MED14: variants seen among roughly 807,000 people sequenced by gnomAD.
The protein encoded by MED14 is mediator complex subunit 14, also known as mediator of RNA polymerase II transcription subunit 14.
A neutral mutation model predicts 109.0 loss-of-function variants in MED14; 8 were observed. The ratio of observed to expected loss-of-function variants is 0.07; its 90% CI spans 0.04 to 0.13. The LOEUF is 0.13. Among genes scored for constraint, MED14 ranks in the 10% least tolerant of loss-of-function variants. MED14 has a pLI of 1.00. For missense variants in MED14, 711 were observed against 1,142.4 expected (o/e 0.62, Z 5.44); for synonymous variants, 399 against 408.7 (o/e 0.98, Z 0.29).
chrX:40,652,361 A>G (rs915673015), intron 30 of MED14, among the ~76,000 whole-genome samples: 8 of 112,359 alleles, frequency 7.1e-5, no homozygotes, highest in Non-Finnish European at 1.3e-4. Context: ...GAAATGTTGT[A>G]TAAGTGTGCC....
At chrX:40,703,288 C>T (rs757762850) in intron 11 of MED14, among the ~76,000 whole-genome samples, 156 bp downstream of exon 11, 1 of 112,569 alleles carries the variant, frequency 8.9e-6, no homozygotes, top group Non-Finnish European at 1.9e-5. Flanking sequence ...AAAACGGCCC[C>T]GAGGAACTGA....
chrX:40,733,833 G>A (rs1932162052), intron 1 of MED14, among the ~76,000 whole-genome samples: 1 of 112,065 alleles, frequency 8.9e-6, no homozygotes, highest in Admixed American at 9.4e-5. Context: ...ATACTGAAAT[G>A]TAGGCATCTG....
At chrX:40,680,709 C>T (rs766396993) in intron 20 of MED14, 49 bp downstream of exon 20, 5 of 1,079,320 alleles carry the variant, frequency 4.6e-6, no homozygotes, top group East Asian at 3.1e-5. Flanking sequence ...TGAACCAGCA[C>T]GGCTGGCATA....
At chrX:40,675,551 T>C (rs1326587889) in intron 21 of MED14, among the ~76,000 whole-genome samples, 190 bp from the exon 22 acceptor site, 5 of 111,869 alleles carry the variant, frequency 4.5e-5, no homozygotes, top group African/African-American at 1.6e-4. Flanking sequence ...AAAAACAGCA[T>C]CTAAAAAAAG....
intron 12 of MED14, among the ~76,000 whole-genome samples, chrX:40,699,173 A>G (rs1301396668): frequency 8.9e-6 from 1 of 112,485 alleles, no homozygotes; most frequent in Non-Finnish European, 1.9e-5. Flanking sequence ...AAAAGACAGC[A>G]TATTTTGATT....
chrX:40,674,661 A>G (rs1366530202), intron 22 of MED14, among the ~76,000 whole-genome samples: 1 of 112,270 alleles, frequency 8.9e-6, no homozygotes, highest in Non-Finnish European at 1.9e-5. Flanking sequence ...TTGAAGGGCT[A>G]AACAATCACT....
chrX:40,725,843 AAAAG>A (rs1165299136), intron 3 of MED14, among the ~76,000 whole-genome samples: 11 of 111,764 alleles, frequency 9.8e-5, no homozygotes, highest in African/African-American at 3.6e-4. Context: ...GCAATCAGAC[AAAAG>A]AAAGAAAGAA....
intron 18 of MED14, 83 bp downstream of exon 18, chrX:40,682,520 G>T: frequency 1.2e-6 from 1 of 816,133 alleles, no homozygotes; most frequent in Non-Finnish European, 1.7e-6. Flanking sequence ...TTGGAACACT[G>T]TGCATGTTTC....
Position 40,735,359 on chromosome X carries a change from G to A in MED14, c.54C>T (p.Gly18=). ...NHQLVPPGGG[G]GGSGGPPSAP... is the part of the protein sequence containing the mutation. ...CTGACGGGGGTCCGCCGCTGCCCCC[G>A]CCGCCGCCTCCGGGCGGGACCAGCT... is the stretch of plus-strand genomic sequence containing the variant. The change falls in exon 1 of 31, where the codon GGC becomes GGT. Residue 18 remains glycine, a synonymous_variant. Coordinates refer to ENST00000324817, the MANE Select transcript of MED14 (RefSeq NM_004229.4). 1.9e-6 allele frequency: 2 copies of A among 1,063,827 alleles called. No individual in the cohort carries two copies. Among genetic ancestry groups the A allele is most frequent in the Non-Finnish European group, 2.4e-6 (2 of 827,453 alleles). The allele number at this position is 1,063,827 out of a possible 1,213,427, so 87.7% of individuals were successfully genotyped here. A position where few individuals can be genotyped will look rare whatever the true frequency, so the allele number is the denominator to read the frequency against.
intron 3 of MED14, among the ~76,000 whole-genome samples, chrX:40,723,449 T>A (rs1209007538): frequency 2.7e-5 from 3 of 110,192 alleles, no homozygotes; most frequent in Non-Finnish European, 3.8e-5. Context: ...GTGGATCACC[T>A]GAGGTCCGAA....
intron 24 of MED14, 127 bp downstream of exon 24, chrX:40,666,593 G>C: frequency 1.4e-6 from 1 of 709,255 alleles, no homozygotes. Context: ...TTTTCTTTTT[G>C]CTTGAGCAAT....
intron 29 of MED14, 42 bp from the exon 30 acceptor site, chrX:40,654,598 A>G: frequency 8.8e-7 from 1 of 1,140,773 alleles, no homozygotes; most frequent in South Asian, 1.9e-5. Flanking sequence ...AAAACATCAT[A>G]AAACATCTGT....
chrX:40,689,118 A>C (rs1473923146), intron 15 of MED14, among the ~76,000 whole-genome samples: 1 of 112,352 alleles, frequency 8.9e-6, no homozygotes, highest in African/African-American at 3.2e-5. Context: ...TTTCCATGGG[A>C]CTGCAAGTAA....
chrX:40,694,527 T>G (rs1397546208), intron 13 of MED14, among the ~76,000 whole-genome samples: 2 of 111,422 alleles, frequency 1.8e-5, no homozygotes, highest in African/African-American at 3.3e-5. Context: ...ACACTGATGA[T>G]GTACCTCAGG....
chrX:40,707,412 C>A (rs1180806163), intron 10 of MED14, among the ~76,000 whole-genome samples: 1 of 111,296 alleles, frequency 9.0e-6, no homozygotes, highest in Non-Finnish European at 1.9e-5. Context: ...GTTACAAGAC[C>A]CGGCCATTAC....
intron 22 of MED14, 73 bp from the exon 23 acceptor site, chrX:40,672,045 T>C: frequency 1.8e-6 from 1 of 563,925 alleles, no homozygotes; most frequent in Non-Finnish European, 2.9e-6. Flanking sequence ...TTTCACTAAT[T>C]ATAGCTACAG....
intron 30 of MED14, chrX:40,653,839 C>T (rs1928961510): frequency 8.8e-6 from 1 of 113,859 alleles, no homozygotes; most frequent in Non-Finnish European, 1.8e-5. Context: ...ACCCACCTGA[C>T]ACTTATATAA....
At chrX:40,735,850 G>C (rs909935001), upstream of MED14, 2 of 302,043 alleles carry the variant, frequency 6.6e-6, no homozygotes, top group Non-Finnish European at 1.3e-5. Context: ...GTGGGAGTGA[G>C]GCGGTACCTG....
At chrX:40,664,593 T>C (rs1168297381) in intron 24 of MED14, 104 bp from the exon 25 acceptor site, 9 of 499,244 alleles carry the variant, frequency 1.8e-5, no homozygotes, top group Non-Finnish European at 2.7e-5. Context: ...TATTTTTTCT[T>C]CCAATAAGAT....
Sources: allele counts gnomAD v4.1 joint callset (sites outside exome capture counted in the v4.1 genomes callset), GRCh38; gene constraint gnomAD v4.1.1; transcripts MANE v1.5; gene names NCBI Gene and HGNC (gene_info 2026-07-23, HGNC 2026-07-21).